CD109: variants seen among roughly 807,000 people sequenced by gnomAD.
CD109 encodes CD109 molecule, also known as CD109 antigen.
CD109 carries 149 observed loss-of-function variants against 165.8 expected under a neutral mutation model. The observed-to-expected ratio is 0.90, with a 90% CI of 0.79 to 1.03. CD109 has a LOEUF of 1.03. Ranked by LOEUF, CD109 falls within the 50% of genes least tolerant of loss-of-function variation. CD109 has a pLI of 0.00. For missense variants in CD109, 1,712 were observed against 1,677.8 expected (o/e 1.02, Z -0.36); for synonymous variants, 585 against 592.1 (o/e 0.99, Z 0.18).
intron 30 of CD109, among the ~76,000 whole-genome samples, chr6:73,816,688 G>A (rs1775949414): frequency 1.3e-5 from 2 of 152,152 alleles, no homozygotes; most frequent in South Asian, 4.1e-4. Context: ...TCTGCCTTGT[G>A]GAACTTGCTG....
chr6:73,679,968 A>G, the CD109 span, among the ~76,000 whole-genome samples: 1 of 152,164 alleles, frequency 6.6e-6, no homozygotes, highest in Admixed American at 6.6e-5. Flanking sequence ...TTGGTGAACC[A>G]TGTTTTACGT....
the CD109 span, among the ~76,000 whole-genome samples, chr6:73,682,692 A>T: frequency 6.6e-6 from 1 of 152,262 alleles, no homozygotes; most frequent in Admixed American, 6.5e-5. Context: ...TTGCCCTAGC[A>T]GAGGTTCTCC....
rs919670704 is a variant in CD109, at chr6:73,810,082, C to T, written c.3454C>T (p.His1152Tyr). The change falls in exon 27 of 33, where the codon CAC (histidine) becomes TAC (tyrosine). Residue 1152 changes from histidine to tyrosine, a missense_variant. Physicochemically the swap from His to Tyr is moderately conservative, Grantham distance 83 (BLOSUM62 2). Coordinates refer to ENST00000287097, the MANE Select transcript of CD109 (RefSeq NM_133493.5). ...IEVAAYALLS[H>Y]FLQFQTSEGI... ...AGTTGCAGCCTATGCACTGCTCTCA[C>T]ACTTCTTACAATTTCAGACTTCTGA... 3.1e-6 allele frequency: 5 copies of T among 1,610,808 alleles called. No homozygotes were observed. In the African/African-American group the frequency reaches 4.0e-5, roughly 13 times the overall value.
intron 2 of CD109, among the ~76,000 whole-genome samples, chr6:73,707,137 A>G (rs1010189921): frequency 2.6e-5 from 4 of 152,174 alleles, no homozygotes; most frequent in Non-Finnish European, 5.9e-5. Context: ...CCGTGTTGAC[A>G]GTTTCAAAGT....
chr6:73,763,616 A>C lies in CD109; in HGVS notation c.1038A>C (p.Gln346His). The C allele has an allele frequency of 6.3e-7, 1 of 1,595,436 alleles. No individual in the cohort carries two copies. The highest frequency in any genetic ancestry group is 8.6e-7 in the Non-Finnish European group (1 of 1,169,508). ...TAAGCACTAATGTGTTCTTCAAGCA[A>C]CATGATTACATCATTGAGTTTTTTG... is the stretch of plus-strand genomic sequence containing the variant. ...RNVSTNVFFK[Q>H]HDYIIEFFDY... is the part of the protein sequence containing the mutation. Residue 346 changes from glutamine to histidine, a missense_variant, in exon 10 of 33, where the codon CAA (glutamine) becomes CAC (histidine). Physicochemically the swap from Gln to His is conservative, Grantham distance 24. Coordinates refer to ENST00000287097, the MANE Select transcript of CD109 (RefSeq NM_133493.5).
chr6:73,694,641 C>T (rs1770760671), upstream of CD109: 1 of 152,222 alleles, frequency 6.6e-6, no homozygotes, highest in South Asian at 2.1e-4. Context: ...GTCTCCATGG[C>T]CTACTGTCTG....
intron 2 of CD109, among the ~76,000 whole-genome samples, chr6:73,718,757 A>G (rs756149794): frequency 6.6e-6 from 1 of 152,030 alleles, no homozygotes; most frequent in Non-Finnish European, 1.5e-5. Flanking sequence ...ACTTAATAGT[A>G]TTGTTGTGAG....
chr6:73,729,515 A>G (rs1294424816), intron 3 of CD109, among the ~76,000 whole-genome samples: 1 of 148,340 alleles, frequency 6.7e-6, no homozygotes, highest in East Asian at 2.0e-4. Flanking sequence ...TATTATTATT[A>G]TTATTATTAT....
rs1775618101 is a variant in CD109 at position 73,807,705 on chromosome 6, G to A, written c.3190-378G>A. On this transcript the variant is annotated intron_variant, in intron 25 of 32. Coordinates refer to ENST00000287097, the MANE Select transcript of CD109 (RefSeq NM_133493.5). ...ATTTTCCTATTCTACTAGTAGGCAT[G>A]TAGAAGCTAAACTTTTCCTGAACTT... Among the ~76,000 whole-genome samples the A allele has an allele frequency of 2.0e-5, 3 of 152,248 alleles. No individual in the cohort carries two copies. In the South Asian group the frequency reaches 6.2e-4, roughly 32 times the overall value.
intron 4 of CD109, among the ~76,000 whole-genome samples, chr6:73,732,122 A>G (rs1582074609): frequency 1.3e-5 from 2 of 152,274 alleles, no homozygotes; most frequent in East Asian, 3.9e-4. Context: ...TCTGCCTGGG[A>G]TGCCTCTGAT....
In CD109 at chr6:73,697,475, A is replaced by C. The variant is rs1345608339; in HGVS notation, c.150A>C (p.Glu50Asp). The C allele has an allele frequency of 5.6e-6, 9 of 1,614,130 alleles. No homozygotes were observed. Among genetic ancestry groups the C allele is most frequent in the Non-Finnish European group, 7.6e-6 (9 of 1,180,004 alleles). ...GNVTIGVELL[E>D]HCPSQVTVKA... is the part of the protein sequence containing the mutation. ...TGACTATTGGGGTGGAGCTTCTGGAACACTGCCCTTCACAGGTGACTGTGA... is the reference window on the plus strand; with the variant it reads ...TGACTATTGGGGTGGAGCTTCTGGACCACTGCCCTTCACAGGTGACTGTGA... Residue 50 changes from glutamate (E) to aspartate (D), a missense_variant, in exon 2 of 33, where the codon GAA becomes GAC. Physicochemically the swap from Glu to Asp is conservative, Grantham distance 45. Coordinates refer to ENST00000287097, the MANE Select transcript of CD109 (RefSeq NM_133493.5).
chr6:73,814,691 G>A (rs1370436), intron 29 of CD109, among the ~76,000 whole-genome samples: 110,017 of 152,076 alleles, frequency 0.72, 41,292 homozygotes, highest in East Asian at 0.96. Flanking sequence ...GGGAATGTTT[G>A]CCCTCTTTGG....
At chr6:73,713,652 G>A (rs1180054132) in intron 2 of CD109, among the ~76,000 whole-genome samples, 2 of 152,144 alleles carry the variant, frequency 1.3e-5, no homozygotes, top group African/African-American at 4.8e-5. Flanking sequence ...CAGTTGAACT[G>A]CTCGTCCAAC....
chr6:73,740,323 G>A (rs1402456675), intron 5 of CD109, among the ~76,000 whole-genome samples: 1 of 152,166 alleles, frequency 6.6e-6, no homozygotes. Context: ...TCAGAAAGTG[G>A]TATTCTTCAG....
At chr6:73,721,581 G>T (rs1396577834) in intron 2 of CD109, among the ~76,000 whole-genome samples, 2 of 151,832 alleles carry the variant, frequency 1.3e-5, no homozygotes, top group Admixed American at 1.3e-4. Flanking sequence ...AGCCAGGATG[G>T]TCTCAATCTC....
upstream of CD109, among the ~76,000 whole-genome samples, chr6:73,693,180 A>G: frequency 6.6e-6 from 1 of 152,154 alleles, no homozygotes; most frequent in East Asian, 1.9e-4. Context: ...TTGGCTTACA[A>G]TTCTGCAGGC....
In CD109 at chr6:73,828,005, T is replaced by C. The variant is rs111445304; in HGVS notation, c.*4372T>C. On this transcript the variant is annotated 3_prime_UTR_variant, in exon 33 of 33. Coordinates refer to ENST00000287097, the MANE Select transcript of CD109 (RefSeq NM_133493.5). ...TATCTTTGATAACTTTAATAGAATG[T>C]GGCTCAGTTCTGGTCCTTCAAGCCT... 107 of 154,936 alleles carry C rather than the reference T, an allele frequency of 6.9e-4. No homozygotes were observed. The highest frequency in any genetic ancestry group is 2.3e-3 in the African/African-American group (96 of 41,652). 9.6% of individuals were successfully genotyped at this position (154,936 alleles called of 1,614,324 possible).
chr6:73,766,589 A>T (rs1434829755), intron 11 of CD109, among the ~76,000 whole-genome samples, 170 bp from the exon 12 acceptor site: 2 of 151,212 alleles, frequency 1.3e-5, no homozygotes, highest in Non-Finnish European at 2.9e-5. Context: ...CAGTTTCTTT[A>T]CAGTATAAGC....
Position 73,730,521 on chromosome 6 carries a change from AC to A in CD109, c.455del (p.Thr152AsnfsTer13). 2 of 1,614,116 alleles carry A rather than the reference AC, an allele frequency of 1.2e-6. No homozygotes were observed. The highest frequency in any genetic ancestry group is 2.2e-5 in the South Asian group (2 of 91,080). ...GCAAGAAGTGAAGTTTCGCATTGTT[AC>A]ACTCTTCTCAGATTTTAAGCCTTAC... The part of the protein sequence containing the change: ...PKQEVKFRIV[T>X]LFSDFKPYKT... On this transcript the variant is annotated frameshift_variant, in exon 4 of 33. Coordinates refer to ENST00000287097, the MANE Select transcript of CD109 (RefSeq NM_133493.5). LOFTEE classifies it high-confidence loss of function.
Sources: gnomAD v4.1 joint callset for allele counts (sites outside exome capture counted in the v4.1 genomes callset) on GRCh38, gnomAD v4.1.1 for gene constraint, MANE v1.5 for transcripts, NCBI Gene and HGNC (gene_info 2026-07-23, HGNC 2026-07-21) for gene names.